Variants in STAG1 observed in about 807,000 individuals in gnomAD.
The protein encoded by STAG1 is STAG1 cohesin complex component.
Under a neutral mutation model 170.9 loss-of-function variants are expected in STAG1, and 26 were observed. That is an observed-to-expected ratio of 0.15 (90% CI 0.11 to 0.21). STAG1 has a LOEUF of 0.21. STAG1 is among the 10% of genes least tolerant of loss of function. STAG1 has a pLI of 1.00. For synonymous variants in STAG1, 514 were observed against 497.7 expected, an observed-to-expected ratio of 1.03 and a Z score of -0.44; for missense variants, 964 against 1,509.5, an observed-to-expected ratio of 0.64 and a Z score of 5.99.
chr3:136,444,231 G>A (rs1195663601), intron 14 of STAG1, among the ~76,000 whole-genome samples: 1 of 152,120 alleles, frequency 6.6e-6, no homozygotes, highest in Non-Finnish European at 1.5e-5. Context: ...ACGCCACCAT[G>A]CCTGGCTAAC....
At chr3:136,539,931 A>G (rs527962696) in intron 6 of STAG1, among the ~76,000 whole-genome samples, 3 of 152,308 alleles carry the variant, frequency 2.0e-5, no homozygotes, top group African/African-American at 7.2e-5. Flanking sequence ...ACTTTGCTGT[A>G]ATACAATATA....
intron 1 of STAG1, among the ~76,000 whole-genome samples, chr3:136,647,557 G>A (rs368986075): frequency 9.2e-5 from 14 of 151,512 alleles, no homozygotes; most frequent in South Asian, 2.1e-4. Flanking sequence ...CAACAAGAGC[G>A]AAACTCGGTC....
chr3:136,732,897 C>G (rs896542247), intron 1 of STAG1, among the ~76,000 whole-genome samples: 2 of 152,028 alleles, frequency 1.3e-5, no homozygotes, highest in African/African-American at 4.8e-5. Flanking sequence ...CTTGAGCCAC[C>G]ACGCTCGGCC....
chr3:136,514,526 T>G (rs1337396129), intron 7 of STAG1, among the ~76,000 whole-genome samples: 2 of 152,184 alleles, frequency 1.3e-5, no homozygotes, highest in Non-Finnish European at 2.9e-5. Flanking sequence ...TATCTAGAAC[T>G]AGAAATATCA....
chr3:136,740,075 G>A (rs975865982), intron 1 of STAG1, among the ~76,000 whole-genome samples: 12 of 152,058 alleles, frequency 7.9e-5, no homozygotes, highest in African/African-American at 2.4e-4. Flanking sequence ...AGTACATTAT[G>A]TAAAATTCTA....
intron 4 of STAG1, among the ~76,000 whole-genome samples, chr3:136,583,375 C>T (rs1219869891): frequency 6.6e-6 from 1 of 152,038 alleles, no homozygotes; most frequent in Non-Finnish European, 1.5e-5. Context: ...CACATTAAGT[C>T]CACTGAAACT....
intron 4 of STAG1, among the ~76,000 whole-genome samples, chr3:136,596,398 T>C (rs1005866224): frequency 6.6e-6 from 1 of 152,214 alleles, no homozygotes; most frequent in Non-Finnish European, 1.5e-5. Context: ...GTATTTTTAA[T>C]TAAGGTACGT....
At chr3:136,474,716 C>T (rs112950800) in intron 10 of STAG1, among the ~76,000 whole-genome samples, 1 of 152,190 alleles carries the variant, frequency 6.6e-6, no homozygotes, top group African/African-American at 2.4e-5. Flanking sequence ...AGCACACAAG[C>T]GAAAGCTGAA....
intron 13 of STAG1, among the ~76,000 whole-genome samples, chr3:136,463,383 CAAT>C (rs1427079633): frequency 6.6e-6 from 1 of 152,082 alleles, no homozygotes; most frequent in Non-Finnish European, 1.5e-5. Context: ...CAAAGTTAGT[CAAT>C]GATGCACAAC....
chr3:136,475,840 G>T (rs370767509), intron 10 of STAG1, among the ~76,000 whole-genome samples: 10 of 152,168 alleles, frequency 6.6e-5, no homozygotes, highest in African/African-American at 2.4e-4. Flanking sequence ...CAGGGCCAGG[G>T]TGTTTCATCA....
intron 1 of STAG1, among the ~76,000 whole-genome samples, chr3:136,645,643 C>A (rs7646563): frequency 0.17 from 26,421 of 152,158 alleles, 3,838 homozygotes; most frequent in African/African-American, 0.41. Flanking sequence ...TATGGGTAAA[C>A]CCAAGGTCTT....
chr3:136,446,136 T>A (rs76807078), intron 14 of STAG1, among the ~76,000 whole-genome samples: 2,530 of 152,250 alleles, frequency 0.017, 74 homozygotes, highest in African/African-American at 0.058. Context: ...ATTTTTCACT[T>A]CTCTTCATTT....
intron 13 of STAG1, among the ~76,000 whole-genome samples, chr3:136,462,854 C>G (rs764157632): frequency 1.3e-4 from 20 of 151,932 alleles, no homozygotes; most frequent in Non-Finnish European, 2.2e-4. Context: ...AAATATAATA[C>G]AGACATAAAA....
intron 4 of STAG1, among the ~76,000 whole-genome samples, chr3:136,596,445 C>T (rs992257059): frequency 5.3e-5 from 8 of 151,892 alleles, no homozygotes; most frequent in Admixed American, 1.3e-4. Flanking sequence ...ATATTGCACA[C>T]ACAATACACT....
Position 136,359,142 on chromosome 3 carries a change from A to C in STAG1, c.2936+6T>G. ...TTCTGCATAACAAAGTGTTTATCTC[A>C]CTCACTTGTGAAGTGTGGCAACTGC... On this transcript the variant is annotated splice_donor_region_variant and intron_variant, in intron 27 of 33. Coordinates refer to ENST00000383202, the MANE Select transcript of STAG1 (RefSeq NM_005862.3). 1 of 1,597,004 alleles carries C rather than the reference A, an allele frequency of 6.3e-7. No individual in the cohort carries two copies. Among genetic ancestry groups the C allele is most frequent in the Non-Finnish European group, 8.5e-7 (1 of 1,170,488 alleles).
At chr3:136,430,439 C>T (rs2088263359) in intron 16 of STAG1, among the ~76,000 whole-genome samples, 1 of 151,738 alleles carries the variant, frequency 6.6e-6, no homozygotes, top group South Asian at 2.1e-4. Context: ...AATATAGTTC[C>T]ATATCTTTTT....
intron 4 of STAG1, among the ~76,000 whole-genome samples, chr3:136,569,854 A>C (rs1281449108): frequency 6.6e-6 from 1 of 152,138 alleles, no homozygotes; most frequent in Non-Finnish European, 1.5e-5. Flanking sequence ...TATTAAAAAA[A>C]GACTTCAACA....
intron 10 of STAG1, among the ~76,000 whole-genome samples, chr3:136,475,064 G>C (rs533418670): frequency 3.7e-4 from 55 of 150,652 alleles, no homozygotes; most frequent in African/African-American, 1.1e-3. Context: ...GTTGAGATTA[G>C]ACTTCTCCTG....
chr3:136,477,146 G>C, intron 10 of STAG1, 143 bp downstream of exon 10: 1 of 856,078 alleles, frequency 1.2e-6, no homozygotes, highest in Non-Finnish European at 1.7e-6. Flanking sequence ...CAATCATCAA[G>C]TAAATAGTTA....
Sources: allele counts gnomAD v4.1 joint callset (sites outside exome capture counted in the v4.1 genomes callset), GRCh38; gene constraint gnomAD v4.1.1; transcripts MANE v1.5; gene names NCBI Gene and HGNC (gene_info 2026-07-23, HGNC 2026-07-21).